Variants in AGMO observed in about 807,000 individuals in gnomAD.
AGMO encodes alkylglycerol monooxygenase, also known as glyceryl-ether monooxygenase.
A neutral mutation model predicts 60.2 loss-of-function variants in AGMO; 75 were observed. The observed-to-expected ratio is 1.25, with a 90% CI of 1.03 to 1.51. The LOEUF (loss-of-function observed/expected upper bound fraction) is 1.51, where lower values mean the gene tolerates loss of function less well. Among genes scored for constraint, AGMO ranks in the 40% most tolerant of loss-of-function variants. The pLI is 0.00. For synonymous variants in AGMO, 261 were observed against 177.1 expected, an observed-to-expected ratio of 1.47 and a Z score of -3.76; for missense variants, 763 against 525.5, an observed-to-expected ratio of 1.45 and a Z score of -4.42.
chr7:15,380,296 A>C (rs917341136), intron 10 of AGMO, among the ~76,000 whole-genome samples: 20 of 152,292 alleles, frequency 1.3e-4, no homozygotes, highest in African/African-American at 4.8e-4. Context: ...TTAAGTTGAT[A>C]AACAACTTCA....
chr7:15,390,227 A>G (rs957717489), intron 8 of AGMO, among the ~76,000 whole-genome samples: 2 of 152,158 alleles, frequency 1.3e-5, no homozygotes, highest in Non-Finnish European at 2.9e-5. Context: ...AGACTTAACC[A>G]ATCTGTAATA....
chr7:15,219,024 C>A (rs1781834839), intron 12 of AGMO, among the ~76,000 whole-genome samples: 1 of 152,118 alleles, frequency 6.6e-6, no homozygotes, highest in Non-Finnish European at 1.5e-5. Context: ...CTGTCAGAAT[C>A]ATGTTAGATA....
chr7:15,137,254 A>C, the AGMO span, among the ~76,000 whole-genome samples: 1 of 152,346 alleles, frequency 6.6e-6, no homozygotes, highest in South Asian at 2.1e-4. Context: ...AATGCAGTTC[A>C]GAAACTTCTG....
chr7:15,327,805 G>C (rs972037072), intron 12 of AGMO, among the ~76,000 whole-genome samples: 1 of 145,388 alleles, frequency 6.9e-6, no homozygotes, highest in Non-Finnish European at 1.5e-5. Context: ...TGCCAGGCTA[G>C]AGGGCAGTGG....
At chr7:15,229,721 TATATAA>T (rs1782199426) in intron 12 of AGMO, among the ~76,000 whole-genome samples, 2 of 121,358 alleles carry the variant, frequency 1.6e-5, no homozygotes, top group African/African-American at 9.3e-5. Context: ...TATTATATTA[TATATAA>T]ATTATATATT....
chr7:15,302,663 G>T (rs979634703), intron 12 of AGMO, among the ~76,000 whole-genome samples: 3 of 152,102 alleles, frequency 2.0e-5, no homozygotes, highest in Admixed American at 2.0e-4. Context: ...TAATATATTA[G>T]CTGTTTTCAA....
chr7:15,430,446 CT>C, intron 4 of AGMO, among the ~76,000 whole-genome samples: 1 of 151,570 alleles, frequency 6.6e-6, no homozygotes. Context: ...GTCAAAAGAA[CT>C]CTACAAGTAG....
At chr7:15,121,348 T>G in the AGMO span, among the ~76,000 whole-genome samples, 1 of 152,134 alleles carries the variant, frequency 6.6e-6, no homozygotes, top group Admixed American at 6.6e-5. Flanking sequence ...GTGATGGGAT[T>G]GCTGGGTCAA....
chr7:15,469,834 T>C (rs1451048791), intron 3 of AGMO, among the ~76,000 whole-genome samples: 1 of 151,992 alleles, frequency 6.6e-6, no homozygotes, highest in Admixed American at 6.6e-5. Context: ...GATGCCACAG[T>C]TGGAAATATG....
chr7:15,187,767 AG>A, the AGMO span, among the ~76,000 whole-genome samples: 1 of 152,090 alleles, frequency 6.6e-6, no homozygotes, highest in South Asian at 2.1e-4. Context: ...ATGCAAGTAG[AG>A]GGGAGGAGAA....
chr7:15,235,308 G>T (rs2128500719), intron 12 of AGMO, among the ~76,000 whole-genome samples: 1 of 152,176 alleles, frequency 6.6e-6, no homozygotes, highest in South Asian at 2.1e-4. Context: ...GACCTTGTTT[G>T]TGTTTTTGTC....
chr7:15,118,876 A>ATTTT, the AGMO span, among the ~76,000 whole-genome samples: 22 of 81,746 alleles, frequency 2.7e-4, 3 homozygotes, highest in East Asian at 1.1e-3. Flanking sequence ...AGACGTCAGT[A>ATTTT]TTTTTTTTTT....
At chr7:15,452,040 T>A (rs1019845034) in intron 3 of AGMO, among the ~76,000 whole-genome samples, 17 of 152,176 alleles carry the variant, frequency 1.1e-4, no homozygotes, top group African/African-American at 4.1e-4. Context: ...TTAAGCTAGG[T>A]TGAAGTTCAT....
intron 12 of AGMO, among the ~76,000 whole-genome samples, chr7:15,240,907 T>C (rs891169976): frequency 5.3e-5 from 8 of 152,230 alleles, no homozygotes; most frequent in Admixed American, 1.3e-4. Context: ...AGTTAATTCA[T>C]TTCCTTAGGC....
intron 12 of AGMO, among the ~76,000 whole-genome samples, chr7:15,205,771 A>C (rs939877818): frequency 6.6e-6 from 1 of 152,120 alleles, no homozygotes; most frequent in African/African-American, 2.4e-5. Context: ...AATTTCCCTA[A>C]AATTTTTAAG....
At chr7:15,448,141 G>T (rs1398677370) in intron 3 of AGMO, among the ~76,000 whole-genome samples, 1 of 152,152 alleles carries the variant, frequency 6.6e-6, no homozygotes, top group Non-Finnish European at 1.5e-5. Context: ...GAAATGAACT[G>T]CTATGGGCTG....
chr7:15,533,361 A>G (rs1784414245), intron 3 of AGMO, among the ~76,000 whole-genome samples: 1 of 152,132 alleles, frequency 6.6e-6, no homozygotes. Context: ...ATATTAATCT[A>G]TGACAATAAC....
Position 15,475,395 on chromosome 7 carries a change from C to T in AGMO, c.410-44287G>A, listed in dbSNP as rs184934479. Reference sequence around the variant, plus strand: ...GATGAGTTCATGTTCTTTGCAGGGACAGGGATGAAGCTGGAAACCATCATT... The same window carrying T: ...GATGAGTTCATGTTCTTTGCAGGGATAGGGATGAAGCTGGAAACCATCATT... On this transcript the variant is annotated intron_variant, in intron 3 of 12. Coordinates refer to ENST00000342526, the MANE Select transcript of AGMO (RefSeq NM_001004320.2). Among the ~76,000 whole-genome samples, 273 of 152,132 alleles carry T rather than the reference C, an allele frequency of 1.8e-3. 2 individuals carry two copies. Among genetic ancestry groups the T allele is most frequent in the Middle Eastern group, 0.017 (5 of 294 alleles).
intron 4 of AGMO, among the ~76,000 whole-genome samples, chr7:15,424,168 C>T (rs1359869971): frequency 1.3e-5 from 2 of 150,598 alleles, no homozygotes; most frequent in African/African-American, 5.0e-5. Flanking sequence ...GCAAACACTT[C>T]TCTCTAAAAC....
Sources: allele counts gnomAD v4.1 joint callset (sites outside exome capture counted in the v4.1 genomes callset), GRCh38; gene constraint gnomAD v4.1.1; transcripts MANE v1.5; gene names NCBI Gene and HGNC (gene_info 2026-07-23, HGNC 2026-07-21).